Variants in PKD1L1 observed in about 807,000 individuals in gnomAD.
The protein encoded by PKD1L1 is polycystin 1 like 1, transient receptor potential channel interacting.
In PKD1L1, 236 loss-of-function variants were observed where a neutral mutation model predicts 323.4. That is an observed-to-expected ratio of 0.73 (90% CI 0.66 to 0.81). The LOEUF (loss-of-function observed/expected upper bound fraction) is 0.81. Among genes scored for constraint, PKD1L1 ranks in the 40% least tolerant of loss-of-function variants. The pLI, the probability that PKD1L1 is intolerant of heterozygous loss-of-function variation, is 0.00. For missense variants in PKD1L1, 3,320 were observed against 3,508.0 expected (o/e 0.95, Z 1.35); for synonymous variants, 1,344 against 1,335.0 (o/e 1.01, Z -0.15).
intron 8 of PKD1L1, among the ~76,000 whole-genome samples, chr7:47,908,947 G>C (rs994685913): frequency 6.6e-6 from 1 of 152,178 alleles, no homozygotes; most frequent in East Asian, 1.9e-4. Context: ...ACACATGACT[G>C]AGTCTCCCCA....
intron 54 of PKD1L1, among the ~76,000 whole-genome samples, chr7:47,797,230 C>T (rs1029488926): frequency 6.6e-6 from 1 of 152,200 alleles, no homozygotes; most frequent in African/African-American, 2.4e-5. Context: ...CCTGAGATCG[C>T]CCTTGCTCTT....
chr7:47,852,322 C>T (rs992571667), intron 31 of PKD1L1, among the ~76,000 whole-genome samples: 1 of 152,160 alleles, frequency 6.6e-6, no homozygotes, highest in Non-Finnish European at 1.5e-5. Context: ...AAAAAGAACA[C>T]ATGAAATGCA....
At chr7:47,799,697 G>A (rs1784618902) in intron 54 of PKD1L1, among the ~76,000 whole-genome samples, 4 of 152,302 alleles carry the variant, frequency 2.6e-5, no homozygotes, top group South Asian at 2.1e-4. Flanking sequence ...AACGCTGAAC[G>A]AGTCACAGTG....
At chr7:47,958,599 T>C in the PKD1L1 span, among the ~76,000 whole-genome samples, 1 of 151,960 alleles carries the variant, frequency 6.6e-6, no homozygotes, top group Non-Finnish European at 1.5e-5. Flanking sequence ...TCAAACTACA[T>C]CAAACTAAAA....
At chr7:47,789,853 AT>A (rs1163620100) in intron 56 of PKD1L1, among the ~76,000 whole-genome samples, 1 of 151,834 alleles carries the variant, frequency 6.6e-6, no homozygotes, top group Non-Finnish European at 1.5e-5. Context: ...AATACTATCC[AT>A]TTTTTCTCCT....
chr7:47,834,283 T>C (rs1785409254), intron 40 of PKD1L1, 56 bp downstream of exon 40: 1 of 1,559,242 alleles, frequency 6.4e-7, no homozygotes, highest in Non-Finnish European at 8.8e-7. Context: ...CAGAGAAATC[T>C]AATTGTTTGC....
intron 8 of PKD1L1, among the ~76,000 whole-genome samples, chr7:47,914,752 C>T (rs1787393050): frequency 6.6e-6 from 1 of 151,954 alleles, no homozygotes; most frequent in Non-Finnish European, 1.5e-5. Flanking sequence ...TCTTTTCTCC[C>T]CCCCAACATC....
At chr7:47,922,865 T>G (rs1375898447) in intron 7 of PKD1L1, among the ~76,000 whole-genome samples, 1 of 152,234 alleles carries the variant, frequency 6.6e-6, no homozygotes, top group Non-Finnish European at 1.5e-5. Flanking sequence ...GAACGGGCCA[T>G]GATGACGATG....
At chr7:47,913,604 C>A (rs528783983) in intron 8 of PKD1L1, among the ~76,000 whole-genome samples, 14 of 152,202 alleles carry the variant, frequency 9.2e-5, no homozygotes, top group East Asian at 5.8e-4. Flanking sequence ...CACCTCCCCC[C>A]CTCTTGCTCC....
rs1297126858 is a variant in PKD1L1, at chr7:47,829,619, A to T, written c.6559-18T>A. ...AGGCATACCTGGAAGGAAAAACATG[A>T]CAGCGCAGAGAGCCGCCCTATGTCT... On this transcript the variant is annotated intron_variant, in intron 43 of 56. Transcript: ENST00000289672. 1 of 1,596,420 alleles carries T rather than the reference A, an allele frequency of 6.3e-7. No homozygotes were observed. The highest frequency in any genetic ancestry group is 2.2e-5 in the East Asian group (1 of 44,716).
rs371648974 is a variant in PKD1L1, at chr7:47,834,317, C to T, written c.6174+22G>A. The T allele has an allele frequency of 1.1e-5, 18 of 1,609,384 alleles. No homozygotes were observed. In the African/African-American group the frequency reaches 2.0e-4, roughly 18 times the overall value. Reference sequence around the variant, plus strand: ...GCATTTCATGCTAGAAGATTAGCTGCTGCGCATAATGATTGATTTACCTTG... The same window carrying T: ...GCATTTCATGCTAGAAGATTAGCTGTTGCGCATAATGATTGATTTACCTTG... On this transcript the variant is annotated intron_variant, in intron 40 of 56. Transcript: ENST00000289672.
At chr7:47,802,106 G>A (rs1784675588) in intron 53 of PKD1L1, among the ~76,000 whole-genome samples, 1 of 151,426 alleles carries the variant, frequency 6.6e-6, no homozygotes, top group Non-Finnish European at 1.5e-5. Context: ...CAGAAGAATG[G>A]CATGAACCCG....
chr7:47,789,777 C>A (rs760669393), intron 56 of PKD1L1, among the ~76,000 whole-genome samples: 9 of 152,170 alleles, frequency 5.9e-5, no homozygotes, highest in Non-Finnish European at 1.0e-4. Context: ...AATATAAATA[C>A]ATACAATTAT....
intron 7 of PKD1L1, among the ~76,000 whole-genome samples, chr7:47,925,749 A>C (rs773529126): frequency 2.4e-4 from 37 of 152,214 alleles, no homozygotes; most frequent in Non-Finnish European, 4.1e-4. Context: ...GACAGATAGC[A>C]GGCCCTGAAA....
At chr7:47,883,815 C>T (rs978239113) in intron 19 of PKD1L1, among the ~76,000 whole-genome samples, 2 of 152,180 alleles carry the variant, frequency 1.3e-5, no homozygotes, top group Admixed American at 6.5e-5. Flanking sequence ...AGCCATTTAT[C>T]GATTCATTCA....
At chr7:47,931,788 G>A (rs893459453) in intron 5 of PKD1L1, 148 bp downstream of exon 5, 3 of 1,066,012 alleles carry the variant, frequency 2.8e-6, no homozygotes, top group African/African-American at 3.2e-5. Flanking sequence ...CAAACTGCCT[G>A]AGCAGTGTCC....
intron 56 of PKD1L1, among the ~76,000 whole-genome samples, chr7:47,777,809 C>T (rs1584937414): frequency 6.6e-6 from 1 of 152,188 alleles, no homozygotes. Context: ...CAGCACAAGG[C>T]TTCTAATCTT....
intron 46 of PKD1L1, among the ~76,000 whole-genome samples, chr7:47,820,004 C>G (rs530546416): frequency 2.6e-5 from 4 of 152,274 alleles, no homozygotes; most frequent in African/African-American, 9.6e-5. Context: ...ACTCCTGGAA[C>G]ACACTGAATT....
chr7:47,917,761 C>T (rs954739780), intron 7 of PKD1L1, among the ~76,000 whole-genome samples: 2 of 152,200 alleles, frequency 1.3e-5, no homozygotes, highest in Middle Eastern at 3.4e-3. Context: ...CTTTTTCAGA[C>T]AAATGCTGAC....
Sources: allele counts gnomAD v4.1 joint callset (sites outside exome capture counted in the v4.1 genomes callset), GRCh38; gene constraint gnomAD v4.1.1; transcripts MANE v1.5; gene names NCBI Gene and HGNC (gene_info 2026-07-23, HGNC 2026-07-21).